Variants in DPYD observed in about 807,000 individuals in gnomAD.
The protein encoded by DPYD is dihydropyrimidine dehydrogenase, also known as dihydropyrimidine dehydrogenase [NADP(+)].
DPYD carries 109 observed loss-of-function variants against 116.2 expected under a neutral mutation model. That is an observed-to-expected ratio of 0.94 (90% CI 0.80 to 1.10). The LOEUF (loss-of-function observed/expected upper bound fraction) is 1.10. DPYD is among the 50% of genes least tolerant of loss of function. The pLI, the probability that DPYD is intolerant of heterozygous loss-of-function variation, is 0.00. For missense variants in DPYD, 1,302 were observed against 1,254.5 expected, an observed-to-expected ratio of 1.04 and a Z score of -0.57; for synonymous variants, 440 against 432.0, an observed-to-expected ratio of 1.02 and a Z score of -0.23.
intron 16 of DPYD, among the ~76,000 whole-genome samples, chr1:97,314,310 G>A (rs1049735046): frequency 2.6e-5 from 4 of 151,778 alleles, no homozygotes; most frequent in Non-Finnish European, 5.9e-5. Context: ...GGGAGATGCT[G>A]TCCATATTTT....
chr1:97,514,107 A>G, intron 13 of DPYD: 1 of 751,832 alleles, frequency 1.3e-6, no homozygotes, highest in Non-Finnish European at 1.6e-6. Context: ...CCCCTTTTGA[A>G]CCAGCATCAC....
intron 4 of DPYD, among the ~76,000 whole-genome samples, chr1:97,727,930 A>G (rs1557913224): frequency 6.6e-6 from 1 of 151,866 alleles, no homozygotes; most frequent in Non-Finnish European, 1.5e-5. Context: ...AGGCTAGAAA[A>G]TTTAAATTTA....
At chr1:97,875,804 A>G (rs1245543668) in intron 2 of DPYD, among the ~76,000 whole-genome samples, 1 of 152,052 alleles carries the variant, frequency 6.6e-6, no homozygotes, top group Admixed American at 6.6e-5. Flanking sequence ...ATTTGTTAGA[A>G]ATAAGAAAGC....
At chr1:97,228,262 C>T (rs1661327808) in intron 19 of DPYD, among the ~76,000 whole-genome samples, 1 of 151,674 alleles carries the variant, frequency 6.6e-6, no homozygotes, top group Non-Finnish European at 1.5e-5. Flanking sequence ...CTCTGTGATG[C>T]ATATAAAGCA....
At chr1:97,470,599 C>G (rs1040313146) in intron 13 of DPYD, among the ~76,000 whole-genome samples, 1 of 152,086 alleles carries the variant, frequency 6.6e-6, no homozygotes, top group African/African-American at 2.4e-5. Context: ...TATAACTGCA[C>G]GAGGATACTG....
intron 13 of DPYD, among the ~76,000 whole-genome samples, chr1:97,453,206 G>C (rs569312990): frequency 2.6e-4 from 39 of 152,096 alleles, no homozygotes; most frequent in South Asian, 1.0e-3. Context: ...AGACCTTCCT[G>C]GTTGCTAGTT....
Position 97,245,382 on chromosome 1 carries a change from C to A in DPYD, c.2300-10388G>T, listed in dbSNP as rs571250658. Among the ~76,000 whole-genome samples, 3 of 152,142 alleles carry A rather than the reference C, an allele frequency of 2.0e-5. No individual in the cohort carries two copies. In the East Asian group the frequency reaches 5.8e-4, roughly 29 times the overall value. ...AATCTCTCCAAATAAGAGCTTCTGG[C>A]AATGCTTTTTGCCTACAATTTTAAA... On this transcript the variant is annotated intron_variant, in intron 18 of 22. Transcript: ENST00000370192.
At chr1:97,548,150 A>C (rs1178265276) in intron 12 of DPYD, among the ~76,000 whole-genome samples, 6 of 152,212 alleles carry the variant, frequency 3.9e-5, no homozygotes, top group Non-Finnish European at 8.8e-5. Flanking sequence ...AGTGGTAAAA[A>C]GGCATAGTGT....
At chr1:97,243,804 C>T (rs555242097) in intron 18 of DPYD, among the ~76,000 whole-genome samples, 51 of 151,826 alleles carry the variant, frequency 3.4e-4, no homozygotes, top group Non-Finnish European at 7.1e-4. Context: ...GTTTATTATA[C>T]CTGTATTTAT....
intron 14 of DPYD, among the ~76,000 whole-genome samples, chr1:97,416,572 A>T (rs1674302579): frequency 6.6e-6 from 1 of 152,176 alleles, no homozygotes; most frequent in Admixed American, 6.5e-5. Context: ...GAAGCCACTG[A>T]TATATCACTT....
chr1:97,113,352 G>A (rs1305711860), intron 20 of DPYD, among the ~76,000 whole-genome samples: 1 of 152,034 alleles, frequency 6.6e-6, no homozygotes, highest in Non-Finnish European at 1.5e-5. Context: ...TTGACTATCA[G>A]AAAGGAAAGG....
chr1:97,527,821 A>G (rs1649266325), intron 12 of DPYD, among the ~76,000 whole-genome samples: 1 of 151,306 alleles, frequency 6.6e-6, no homozygotes, highest in South Asian at 2.1e-4. Context: ...AAAGGAAGAG[A>G]AAAGCACTAC....
At chr1:97,623,842 A>G (rs1487864433) in intron 8 of DPYD, among the ~76,000 whole-genome samples, 1 of 152,046 alleles carries the variant, frequency 6.6e-6, no homozygotes, top group Non-Finnish European at 1.5e-5. Context: ...ATATATGATC[A>G]ACTGATTTTT....
At chr1:97,866,780 CAT>C (rs1671399745) in intron 2 of DPYD, among the ~76,000 whole-genome samples, 1 of 151,834 alleles carries the variant, frequency 6.6e-6, no homozygotes, top group African/African-American at 2.4e-5. Flanking sequence ...GAGTAGCTAG[CAT>C]GTGATGAAAG....
intron 4 of DPYD, among the ~76,000 whole-genome samples, chr1:97,730,622 A>G (rs1007378590): frequency 6.6e-6 from 1 of 152,148 alleles, no homozygotes; most frequent in African/African-American, 2.4e-5. Flanking sequence ...ACATGAATAT[A>G]TATTTTAAAA....
chr1:97,312,753 G>C lies in DPYD; in HGVS notation c.2059-6456C>G, dbSNP rs543603547. ...GCATTTATGCTGTAACCTGTTAGCA[G>C]TGATTACCTCTGAAACGTTCCATAT... On this transcript the variant is annotated intron_variant, in intron 16 of 22. Coordinates refer to ENST00000370192, the MANE Select transcript of DPYD (RefSeq NM_000110.4). Among the ~76,000 whole-genome samples the C allele has an allele frequency of 2.0e-5, 3 of 151,942 alleles. No individual in the cohort carries two copies. In the East Asian group the frequency reaches 5.8e-4, roughly 30 times the overall value.
At chr1:97,132,430 A>G (rs895128589) in intron 20 of DPYD, among the ~76,000 whole-genome samples, 6 of 152,170 alleles carry the variant, frequency 3.9e-5, no homozygotes, top group African/African-American at 1.4e-4. Flanking sequence ...AATGAATCAG[A>G]TGGAGGAAAT....
At chr1:97,286,529 C>T (rs1456752643) in intron 18 of DPYD, among the ~76,000 whole-genome samples, 1 of 152,082 alleles carries the variant, frequency 6.6e-6, no homozygotes, top group African/African-American at 2.4e-5. Flanking sequence ...CAACTTGGTT[C>T]CATTCTCCCC....
intron 20 of DPYD, among the ~76,000 whole-genome samples, chr1:97,136,123 G>C (rs957154255): frequency 6.6e-6 from 1 of 152,156 alleles, no homozygotes; most frequent in Non-Finnish European, 1.5e-5. Context: ...GATGTTGTTT[G>C]ATGCCAATCC....
Sources: allele counts gnomAD v4.1 joint callset (sites outside exome capture counted in the v4.1 genomes callset), GRCh38; gene constraint gnomAD v4.1.1; transcripts MANE v1.5; gene names NCBI Gene and HGNC (gene_info 2026-07-23, HGNC 2026-07-21).